Variants in MCPH1 observed in about 807,000 individuals in gnomAD.
MCPH1 encodes microcephalin.
In MCPH1, 104 loss-of-function variants were observed where a neutral mutation model predicts 84.5. The observed-to-expected ratio is 1.23, with a 90% CI of 1.05 to 1.45. The LOEUF (loss-of-function observed/expected upper bound fraction) is 1.45. Ranked by LOEUF, MCPH1 falls within the 40% of genes most tolerant of loss-of-function variation. MCPH1 has a pLI of 0.00. For missense variants in MCPH1, 1,498 were observed against 1,005.7 expected (o/e 1.49, Z -6.62); for synonymous variants, 514 against 366.8 (o/e 1.40, Z -4.58).
intron 12 of MCPH1, among the ~76,000 whole-genome samples, chr8:6,550,697 T>C (rs1157430281): frequency 2.0e-5 from 3 of 152,210 alleles, no homozygotes; most frequent in Non-Finnish European, 4.4e-5. Context: ...TCTGTTTTAT[T>C]GTAAGAGGCT....
chr8:6,439,781 C>T (rs1000034818), intron 6 of MCPH1, among the ~76,000 whole-genome samples: 1 of 152,140 alleles, frequency 6.6e-6, no homozygotes, highest in African/African-American at 2.4e-5. Context: ...TTTCTTTTAT[C>T]TTTAAAATTT....
chr8:6,463,346 T>C (rs1283321954), intron 9 of MCPH1, among the ~76,000 whole-genome samples: 1 of 152,224 alleles, frequency 6.6e-6, no homozygotes, highest in Non-Finnish European at 1.5e-5. Flanking sequence ...CTGAGATCTT[T>C]GTGAGCTGCG....
chr8:6,548,231 G>A (rs531975547), intron 12 of MCPH1, among the ~76,000 whole-genome samples: 1 of 152,222 alleles, frequency 6.6e-6, no homozygotes, highest in South Asian at 2.1e-4. Flanking sequence ...CCTACGTGAA[G>A]GCTTTGTCCA....
intron 12 of MCPH1, among the ~76,000 whole-genome samples, chr8:6,590,557 T>C (rs1328354213): frequency 6.6e-6 from 1 of 152,212 alleles, no homozygotes. Flanking sequence ...AGGCCTAATC[T>C]GGAATCTGGT....
intron 3 of MCPH1, among the ~76,000 whole-genome samples, chr8:6,419,766 T>G (rs1799897566): frequency 6.6e-6 from 1 of 152,120 alleles, no homozygotes; most frequent in Admixed American, 6.5e-5. Context: ...CTCAAAGTGC[T>G]GGGATTACTG....
At chr8:6,451,843 A>T (rs3020273) in intron 8 of MCPH1, among the ~76,000 whole-genome samples, 5,911 of 152,252 alleles carry the variant, frequency 0.039, 349 homozygotes, top group African/African-American at 0.13. Flanking sequence ...TTACATGTTA[A>T]AATTATGGAT....
At chr8:6,512,828 C>T (rs879672316) in intron 12 of MCPH1, among the ~76,000 whole-genome samples, 2 of 152,180 alleles carry the variant, frequency 1.3e-5, no homozygotes, top group Non-Finnish European at 2.9e-5. Context: ...GGTAAACACC[C>T]AGGGAATGCT....
chr8:6,474,857 T>A (rs371327320), intron 9 of MCPH1, among the ~76,000 whole-genome samples: 1 of 152,260 alleles, frequency 6.6e-6, no homozygotes, highest in African/African-American at 2.4e-5. Context: ...TAATAATACT[T>A]AATGCTGACA....
intron 13 of MCPH1, among the ~76,000 whole-genome samples, chr8:6,639,997 C>T (rs904116994): frequency 6.6e-6 from 1 of 151,684 alleles, no homozygotes; most frequent in Non-Finnish European, 1.5e-5. Flanking sequence ...CCTTAGCCTC[C>T]CAAGTAGGCG....
At chr8:6,551,062 A>G (rs1269257192) in intron 12 of MCPH1, among the ~76,000 whole-genome samples, 1 of 152,190 alleles carries the variant, frequency 6.6e-6, no homozygotes, top group Non-Finnish European at 1.5e-5. Context: ...AGAAGGGGTA[A>G]GTGTGCTAGG....
chr8:6,414,821 G>T lies in MCPH1; in HGVS notation c.171G>T (p.Gln57His), dbSNP rs367830616. ...VTHVIFKDGY[Q>H]STWDKAQKRG... ...ACGTTATCTTCAAAGATGGCTACCA[G>T]AGCACTTGGGACAAAGCTCAGAAGA... Residue 57 changes from glutamine to histidine, a missense_variant, in exon 3 of 14, where the codon CAG becomes CAT. Coordinates refer to ENST00000344683, the MANE Select transcript of MCPH1 (RefSeq NM_024596.5). 2 of 1,613,620 alleles carry T rather than the reference G, an allele frequency of 1.2e-6. No individual in the cohort carries two copies. The highest frequency in any genetic ancestry group is 1.3e-5 in the African/African-American group (1 of 74,848).
intron 12 of MCPH1, among the ~76,000 whole-genome samples, chr8:6,517,144 A>C (rs1816412979): frequency 6.6e-6 from 1 of 152,238 alleles, no homozygotes; most frequent in African/African-American, 2.4e-5. Context: ...GAAATTGATT[A>C]TATCAGGATC....
rs533846152 is a variant in MCPH1 at position 6,422,702 on chromosome 8, T to C, written c.233+7819T>C. Among the ~76,000 whole-genome samples the C allele has an allele frequency of 4.5e-4, 69 of 152,334 alleles. No homozygotes were observed. The South Asian group carries it at 4.6e-3, about 10-fold the overall frequency. On this transcript the variant is annotated intron_variant, in intron 3 of 13. Transcript: ENST00000344683. ...CCAAAAGCAAAGTTTTCTTTTTCTT[T>C]TCTGGAGACTGAGTCTCACTCTCTT...
intron 3 of MCPH1, among the ~76,000 whole-genome samples, chr8:6,420,985 A>G (rs1800111467): frequency 6.6e-6 from 1 of 152,188 alleles, no homozygotes; most frequent in South Asian, 2.1e-4. Context: ...CCAGGCGGGC[A>G]TGGAGGTCTA....
intron 1 of MCPH1, among the ~76,000 whole-genome samples, chr8:6,408,795 C>G (rs1408960700): frequency 1.3e-5 from 2 of 152,024 alleles, no homozygotes; most frequent in East Asian, 1.9e-4. Flanking sequence ...ACTTCTGTGC[C>G]CAAGTGATCC....
rs1348918309 is a variant in MCPH1 at position 6,477,666 on chromosome 8, A to G, written c.1973+35A>G. 4 of 1,584,550 alleles carry G rather than the reference A, an allele frequency of 2.5e-6. No homozygotes were observed. In the African/African-American group the frequency reaches 4.0e-5, roughly 16 times the overall value. On this transcript the variant is annotated intron_variant, in intron 10 of 13. Transcript: ENST00000344683. ...TGTTTTGATTTCTGTTCAATGTAAA[A>G]TGTTAACCTTTTCTCTCTTATACTC...
intron 8 of MCPH1, among the ~76,000 whole-genome samples, chr8:6,454,053 T>G (rs1402913351): frequency 6.6e-6 from 1 of 152,218 alleles, no homozygotes; most frequent in Non-Finnish European, 1.5e-5. Context: ...GTGACAGTTT[T>G]TACCTTAGAC....
intron 12 of MCPH1, among the ~76,000 whole-genome samples, chr8:6,524,045 A>G (rs186825547): frequency 6.0e-4 from 92 of 152,348 alleles, no homozygotes; most frequent in African/African-American, 2.1e-3. Context: ...GCCAGTAAAT[A>G]AAGCTTTCAA....
chr8:6,647,789 G>A lies in MCPH1; in HGVS notation c.*4740G>A, dbSNP rs1229852125. The A allele has an allele frequency of 1.3e-5, 2 of 152,314 alleles. No homozygotes were observed. Among genetic ancestry groups the A allele is most frequent in the South Asian group, 2.1e-4 (1 of 4,824 alleles). 9.4% of individuals were successfully genotyped at this position (152,314 alleles called of 1,614,324 possible). A position where few individuals can be genotyped will look rare whatever the true frequency, so the allele number is the denominator to read the frequency against. On this transcript the variant is annotated 3_prime_UTR_variant, in exon 14 of 14. Transcript: ENST00000344683. ...TGGGAACAGAGAGCAAACATTTTGGGATGATGGAAACATTCTAAAACTGGA... is the reference window on the plus strand; with the variant it reads ...TGGGAACAGAGAGCAAACATTTTGGAATGATGGAAACATTCTAAAACTGGA...
Sources: allele counts gnomAD v4.1 joint callset (sites outside exome capture counted in the v4.1 genomes callset), GRCh38; gene constraint gnomAD v4.1.1; transcripts MANE v1.5; gene names NCBI Gene and HGNC (gene_info 2026-07-23, HGNC 2026-07-21).